ADAMTS17: variants seen among roughly 807,000 people sequenced by gnomAD.
ADAMTS17 encodes the protein ADAM metallopeptidase with thrombospondin type 1 motif 17, also known as A disintegrin and metalloproteinase with thrombospondin motifs 17.
In ADAMTS17, 113 loss-of-function variants were observed where a neutral mutation model predicts 141.5. The observed-to-expected ratio is 0.80, with a 90% CI of 0.69 to 0.93. The LOEUF is 0.93. Among genes scored for constraint, ADAMTS17 ranks in the 40% least tolerant of loss-of-function variants. The pLI, the probability that ADAMTS17 is intolerant of heterozygous loss-of-function variation, is 0.00. For synonymous variants in ADAMTS17, 768 were observed against 630.6 expected, an observed-to-expected ratio of 1.22 and a Z score of -3.27; for missense variants, 1,659 against 1,517.9, an observed-to-expected ratio of 1.09 and a Z score of -1.54.
At position 100,341,389 on chromosome 15, in the gene ADAMTS17, C is replaced by T. The variant is rs1409502899; in HGVS notation, c.100G>A (p.Asp34Asn). 3.9e-6 allele frequency: 4 copies of T among 1,016,658 alleles called. No homozygotes were observed. The highest frequency in any genetic ancestry group is 4.7e-6 in the Non-Finnish European group (4 of 852,262). 63.0% of individuals were successfully genotyped at this position (1,016,658 alleles called of 1,614,324 possible). The change falls in exon 2 of 22, where the codon GAC (aspartate) becomes AAC (asparagine). Residue 34 changes from aspartate to asparagine, a missense_variant. Physicochemically the swap from Asp to Asn is conservative, Grantham distance 23. Transcript: ENST00000268070. ...PGTAVGDAAA[D>N]VEVVLPWRVR... ...CGCCACGGGAGCACCACCTCCACGT[C>T]GGCCGCCGCGTCGCCGACAGCTGCG...
chr15:100,166,077 T>C (rs932905373), intron 8 of ADAMTS17, among the ~76,000 whole-genome samples: 1 of 152,238 alleles, frequency 6.6e-6, no homozygotes, highest in African/African-American at 2.4e-5. Context: ...GGGCACCTCT[T>C]CATTTTGCCA....
chr15:100,029,127 T>C (rs530249977), intron 18 of ADAMTS17, among the ~76,000 whole-genome samples: 1 of 152,290 alleles, frequency 6.6e-6, no homozygotes, highest in African/African-American at 2.4e-5. Context: ...GAACCCCTAG[T>C]CCTGAGTATG....
intron 8 of ADAMTS17, among the ~76,000 whole-genome samples, chr15:100,179,514 C>T (rs929475870): frequency 6.6e-6 from 1 of 152,188 alleles, no homozygotes; most frequent in Non-Finnish European, 1.5e-5. Context: ...CATGCGAGTG[C>T]AGATATCTCT....
In ADAMTS17 at chr15:100,247,233, T is replaced by G. The variant is rs376357481; in HGVS notation, c.1075+6903A>C. ...ACAGTCTGGAAGCACAGTTGAAATTTGCCTTCTGTCAGCTTACAAGGAATA... is the reference window on the plus strand; with the variant it reads ...ACAGTCTGGAAGCACAGTTGAAATTGGCCTTCTGTCAGCTTACAAGGAATA... On this transcript the variant is annotated intron_variant, in intron 7 of 21. Transcript: ENST00000268070. Among the ~76,000 whole-genome samples, 114 of 152,244 alleles carry G rather than the reference T, an allele frequency of 7.5e-4. No homozygotes were observed. In the South Asian group the frequency reaches 0.022, roughly 30 times the overall value.
At chr15:100,071,986 T>C (rs1013311447) in intron 15 of ADAMTS17, among the ~76,000 whole-genome samples, 1 of 150,254 alleles carries the variant, frequency 6.7e-6, no homozygotes, top group Non-Finnish European at 1.5e-5. Flanking sequence ...GCAGATGACA[T>C]GACTGTATAT....
At chr15:100,175,321 A>G (rs560395976) in intron 8 of ADAMTS17, among the ~76,000 whole-genome samples, 21 of 152,334 alleles carry the variant, frequency 1.4e-4, no homozygotes, top group African/African-American at 4.3e-4. Context: ...TCCAAGGAAC[A>G]GCCTTCTGTC....
intron 3 of ADAMTS17, among the ~76,000 whole-genome samples, chr15:100,297,089 T>C (rs922109925): frequency 2.6e-5 from 4 of 151,810 alleles, no homozygotes; most frequent in Non-Finnish European, 4.4e-5. Flanking sequence ...AGGGCCAAGG[T>C]TGGAAAGATA....
chr15:100,111,269 G>A (rs547932810), intron 13 of ADAMTS17, among the ~76,000 whole-genome samples: 1 of 152,328 alleles, frequency 6.6e-6, no homozygotes, highest in Admixed American at 6.5e-5. Context: ...GCAAACCCAG[G>A]GTGAGGCCAC....
chr15:100,097,871 A>G (rs1373314036), intron 14 of ADAMTS17, among the ~76,000 whole-genome samples: 2 of 152,172 alleles, frequency 1.3e-5, no homozygotes. Flanking sequence ...TCATCCTCGG[A>G]GCCTTTTATT....
At chr15:100,220,235 T>A (rs2042090578) in intron 7 of ADAMTS17, among the ~76,000 whole-genome samples, 1 of 152,134 alleles carries the variant, frequency 6.6e-6, no homozygotes. Context: ...AGACTAACCC[T>A]CGAAAAGTGG....
intron 18 of ADAMTS17, among the ~76,000 whole-genome samples, chr15:100,016,245 T>G (rs2061286525): frequency 6.6e-6 from 1 of 152,228 alleles, no homozygotes; most frequent in Non-Finnish European, 1.5e-5. Context: ...TCTATTTCCT[T>G]GAATATTTCT....
intron 8 of ADAMTS17, among the ~76,000 whole-genome samples, chr15:100,194,925 C>T (rs908112670): frequency 6.6e-6 from 1 of 152,272 alleles, no homozygotes; most frequent in Middle Eastern, 3.4e-3. Context: ...TAACGGCCAC[C>T]GCAGGATGGA....
chr15:100,115,101 G>C (rs2037029807), intron 13 of ADAMTS17, among the ~76,000 whole-genome samples: 1 of 152,202 alleles, frequency 6.6e-6, no homozygotes, highest in Non-Finnish European at 1.5e-5. Context: ...AGGTCTAAAA[G>C]TATCTTTATC....
chr15:100,090,396 T>A (rs181566932), intron 15 of ADAMTS17, among the ~76,000 whole-genome samples: 2 of 152,324 alleles, frequency 1.3e-5, no homozygotes, highest in South Asian at 2.1e-4. Flanking sequence ...GGCATTGGGA[T>A]CACCGATCTG....
At chr15:99,990,670 C>T (rs186942857) in intron 20 of ADAMTS17, among the ~76,000 whole-genome samples, 2 of 144,886 alleles carry the variant, frequency 1.4e-5, no homozygotes, top group East Asian at 4.0e-4. Flanking sequence ...ACTTTGTGTT[C>T]TGACTTGGGC....
At chr15:100,249,779 C>T (rs1391793386) in intron 7 of ADAMTS17, among the ~76,000 whole-genome samples, 1 of 152,228 alleles carries the variant, frequency 6.6e-6, no homozygotes, top group East Asian at 1.9e-4. Context: ...CCAAACCTCG[C>T]AGCGCCTCAG....
intron 12 of ADAMTS17, among the ~76,000 whole-genome samples, chr15:100,117,375 T>C (rs1431070609): frequency 3.3e-5 from 5 of 151,472 alleles, no homozygotes; most frequent in Non-Finnish European, 7.4e-5. Context: ...GTGTGTGTTC[T>C]GCAGGGGTCT....
chr15:100,306,969 TGAGA>T (rs762316561), intron 3 of ADAMTS17, among the ~76,000 whole-genome samples: 4 of 152,122 alleles, frequency 2.6e-5, no homozygotes, highest in Non-Finnish European at 5.9e-5. Context: ...AGAACGAGGC[TGAGA>T]GAGGACCATG....
At chr15:100,017,421 G>A (rs2061312326) in intron 18 of ADAMTS17, among the ~76,000 whole-genome samples, 1 of 152,208 alleles carries the variant, frequency 6.6e-6, no homozygotes, top group Non-Finnish European at 1.5e-5. Context: ...TAGTTCAGCT[G>A]GAGACTTCCT....
Sources: gnomAD v4.1 joint callset for allele counts (sites outside exome capture counted in the v4.1 genomes callset) on GRCh38, gnomAD v4.1.1 for gene constraint, MANE v1.5 for transcripts, NCBI Gene and HGNC (gene_info 2026-07-23, HGNC 2026-07-21) for gene names.